The following KCNMA1 variants were observed in gnomAD, a reference collection of about 807,000 sequenced individuals.
The protein encoded by KCNMA1 is potassium calcium-activated channel subfamily M alpha 1, also known as Calcium-activated potassium channel subunit alpha-1.
In KCNMA1, 29 loss-of-function variants were observed where a neutral mutation model predicts 140.0. The ratio of observed to expected loss-of-function variants is 0.21; its 90% CI spans 0.15 to 0.28. The LOEUF is 0.28. Ranked by LOEUF, KCNMA1 falls within the 10% of genes least tolerant of loss-of-function variation. The probability of loss-of-function intolerance (pLI) is 1.00; values close to 1 mark genes in which losing one functional copy is unlikely to be tolerated. For missense variants in KCNMA1, 880 were observed against 1,602.2 expected, an observed-to-expected ratio of 0.55 and a Z score of 7.70; for synonymous variants, 612 against 611.9, an observed-to-expected ratio of 1.00 and a Z score of 0.00.
At chr10:77,627,872 C>A (rs909873293) in intron 1 of KCNMA1, among the ~76,000 whole-genome samples, 2 of 152,242 alleles carry the variant, frequency 1.3e-5, no homozygotes, top group African/African-American at 4.8e-5. Context: ...TCGCACAGGG[C>A]CTGAGGCCCC....
intron 4 of KCNMA1, among the ~76,000 whole-genome samples, chr10:77,184,308 C>T (rs1368859059): frequency 6.6e-6 from 1 of 152,196 alleles, no homozygotes; most frequent in Non-Finnish European, 1.5e-5. Context: ...CAACCTCTGC[C>T]TCCCAGGTTC....
At chr10:77,090,255 G>A (rs573462708) in intron 10 of KCNMA1, 145 bp downstream of exon 10, 3 of 719,652 alleles carry the variant, frequency 4.2e-6, no homozygotes, top group South Asian at 2.9e-5. Flanking sequence ...CTTCTCCAAC[G>A]AGGCCAAAAG....
At chr10:77,291,966 T>C (rs623257) in intron 2 of KCNMA1, among the ~76,000 whole-genome samples, 127,451 of 152,198 alleles carry the variant, frequency 0.84, 53,523 homozygotes, top group Middle Eastern at 0.9. Flanking sequence ...AGGAGTAAAT[T>C]CAGGGCTCTG....
chr10:77,332,369 C>A (rs1018542205), intron 2 of KCNMA1, among the ~76,000 whole-genome samples: 1 of 152,216 alleles, frequency 6.6e-6, no homozygotes, highest in Non-Finnish European at 1.5e-5. Flanking sequence ...AACTCTCAGC[C>A]ACCCACCCAA....
At chr10:77,360,627 C>T (rs369444119) in intron 2 of KCNMA1, among the ~76,000 whole-genome samples, 54 of 152,240 alleles carry the variant, frequency 3.5e-4, no homozygotes, top group African/African-American at 1.2e-3. Context: ...CTTCCAAGGC[C>T]TTCACTCTTC....
At chr10:77,552,637 G>A (rs1223187511) in intron 1 of KCNMA1, among the ~76,000 whole-genome samples, 1 of 152,212 alleles carries the variant, frequency 6.6e-6, no homozygotes, top group Non-Finnish European at 1.5e-5. Context: ...AGAGGGCAGA[G>A]TTTTGTTTTT....
intron 1 of KCNMA1, among the ~76,000 whole-genome samples, chr10:77,627,021 C>T (rs2092614785): frequency 6.6e-6 from 1 of 152,148 alleles, no homozygotes; most frequent in South Asian, 2.1e-4. Context: ...GTGTTTTGCT[C>T]TCTTTTCTTT....
intron 1 of KCNMA1, among the ~76,000 whole-genome samples, chr10:77,501,949 C>T (rs1288403497): frequency 6.6e-6 from 1 of 150,706 alleles, no homozygotes; most frequent in Non-Finnish European, 1.5e-5. Flanking sequence ...CTGTGGCTGA[C>T]TGTGTGTCAT....
At chr10:77,232,886 AT>A (rs33988327) in intron 3 of KCNMA1, among the ~76,000 whole-genome samples, 28,152 of 132,438 alleles carry the variant, frequency 0.21, 2,445 homozygotes, top group Non-Finnish European at 0.25. Flanking sequence ...TCCCAGCACC[AT>A]TTTTTTTTTT....
At chr10:76,942,826 T>A (rs1330490672) in intron 23 of KCNMA1, among the ~76,000 whole-genome samples, 3 of 152,194 alleles carry the variant, frequency 2.0e-5, no homozygotes, top group Non-Finnish European at 4.4e-5. Flanking sequence ...GAATCATTGC[T>A]TTCACTGTTT....
intron 3 of KCNMA1, among the ~76,000 whole-genome samples, chr10:77,226,334 G>T (rs1472591488): frequency 6.6e-6 from 1 of 151,950 alleles, no homozygotes; most frequent in East Asian, 1.9e-4. Context: ...TATTTTTCTT[G>T]GATCTGGAAT....
At chr10:77,227,790 TG>T (rs11356947) in intron 3 of KCNMA1, among the ~76,000 whole-genome samples, 56,978 of 151,768 alleles carry the variant, frequency 0.38, 11,269 homozygotes, top group East Asian at 0.67. Flanking sequence ...GGAGTACTTC[TG>T]CCACTTCCCA....
At chr10:77,244,998 A>G (rs948944062) in intron 3 of KCNMA1, among the ~76,000 whole-genome samples, 9 of 151,482 alleles carry the variant, frequency 5.9e-5, no homozygotes, top group Admixed American at 5.3e-4. Flanking sequence ...AACTTTCCCT[A>G]CCCATAATTT....
At chr10:77,617,149 T>A (rs911986126) in intron 1 of KCNMA1, among the ~76,000 whole-genome samples, 1 of 152,234 alleles carries the variant, frequency 6.6e-6, no homozygotes, top group African/African-American at 2.4e-5. Flanking sequence ...GAACTTACTT[T>A]GCTGAGACAT....
intron 2 of KCNMA1, among the ~76,000 whole-genome samples, chr10:77,274,777 T>A (rs781545563): frequency 6.6e-6 from 1 of 152,176 alleles, no homozygotes. Context: ...TAACTATCGA[T>A]TGTCAGAGGA....
At chr10:77,184,723 G>A in intron 4 of KCNMA1, 100 bp downstream of exon 4, 1 of 825,566 alleles carries the variant, frequency 1.2e-6, no homozygotes. Flanking sequence ...GTTTCTCCTG[G>A]AAATATCTTG....
intron 1 of KCNMA1, among the ~76,000 whole-genome samples, chr10:77,490,869 A>G (rs1315405028): frequency 6.6e-6 from 1 of 152,138 alleles, no homozygotes; most frequent in Non-Finnish European, 1.5e-5. Context: ...GCTGCCACGT[A>G]CAGACAACAC....
intron 5 of KCNMA1, among the ~76,000 whole-genome samples, chr10:77,166,749 A>T (rs2098647044): frequency 6.6e-6 from 1 of 152,088 alleles, no homozygotes; most frequent in South Asian, 2.1e-4. Flanking sequence ...TGAAGGGGAG[A>T]AGGAGGTAAC....
intron 14 of KCNMA1, among the ~76,000 whole-genome samples, chr10:77,072,424 G>T (rs970130765): frequency 6.6e-6 from 1 of 151,918 alleles, no homozygotes; most frequent in African/African-American, 2.4e-5. Flanking sequence ...GACAGAGTCG[G>T]TTTTTTTTCT....
Sources: allele counts gnomAD v4.1 joint callset (sites outside exome capture counted in the v4.1 genomes callset), GRCh38; gene constraint gnomAD v4.1.1; transcripts MANE v1.5; gene names NCBI Gene and HGNC (gene_info 2026-07-23, HGNC 2026-07-21).